Variants in CUX2 observed in about 807,000 individuals in gnomAD.
CUX2 encodes cut like homeobox 2, also known as homeobox protein cut-like 2.
A neutral mutation model predicts 144.8 loss-of-function variants in CUX2; 40 were observed. The ratio of observed to expected loss-of-function variants is 0.28; its 90% CI spans 0.21 to 0.36. The LOEUF (loss-of-function observed/expected upper bound fraction) is 0.36. Among genes scored for constraint, CUX2 ranks in the 10% least tolerant of loss-of-function variants. The probability of loss-of-function intolerance (pLI) is 1.00; values close to 1 mark genes in which losing one functional copy is unlikely to be tolerated. For missense variants in CUX2, 1,615 were observed against 1,994.0 expected (o/e 0.81, Z 3.62); for synonymous variants, 827 against 875.6 (o/e 0.94, Z 0.98).
intron 9 of CUX2, among the ~76,000 whole-genome samples, chr12:111,299,852 A>G (rs1886197256): frequency 6.6e-6 from 1 of 152,130 alleles, no homozygotes; most frequent in African/African-American, 2.4e-5. Flanking sequence ...GAGATGGTCA[A>G]TCCATTCACA....
rs553798278 is a variant in CUX2 at position 111,287,121 on chromosome 12, C to T, written c.302-4297C>T. 1.3e-5 allele frequency among the ~76,000 whole-genome samples: 2 copies of T among 152,384 alleles called. No homozygotes were observed. The highest frequency in any genetic ancestry group is 2.9e-5 in the Non-Finnish European group (2 of 68,046). ...CTCTGGGGAGCCACCTGAGGCCAGC[C>T]TCCCCAAGACAGAGCACACAGCCAG... On this transcript the variant is annotated intron_variant, in intron 4 of 21. Coordinates refer to ENST00000261726, the MANE Select transcript of CUX2 (RefSeq NM_015267.4). This position sits in a 1 kb window ranked among gnomAD's most constrained non-coding sequence, Gnocchi z 4.2.
At chr12:111,083,860 G>A (rs746449698) in intron 1 of CUX2, among the ~76,000 whole-genome samples, 34 of 152,184 alleles carry the variant, frequency 2.2e-4, no homozygotes, top group African/African-American at 4.8e-4. Context: ...AGGGCAGCCC[G>A]CCTTTGGCCC....
Position 111,320,715 on chromosome 12 carries a change from C to A in CUX2, c.2706C>A (p.Thr902=). The change falls in exon 17 of 22, where the codon ACC becomes ACA. Residue 902 remains threonine, a synonymous_variant. Transcript: ENST00000261726. The surrounding 1 kb of genome is among the most constrained non-coding windows in gnomAD (Gnocchi z 8.1). ...GTGAGGTAGACACGCTGGAGCTCAC[C>A]CGCCAGGTCAAGGAGAAGCTGGCCA... ...MYREVDTLEL[T]RQVKEKLAKN... The A allele has an allele frequency of 6.3e-7, 1 of 1,589,878 alleles. No individual in the cohort carries two copies. Among genetic ancestry groups the A allele is most frequent in the East Asian group, 2.3e-5 (1 of 43,906 alleles).
intron 3 of CUX2, among the ~76,000 whole-genome samples, chr12:111,253,469 C>A (rs922980587): frequency 6.6e-6 from 1 of 152,164 alleles, no homozygotes; most frequent in African/African-American, 2.4e-5. Flanking sequence ...CCCCACGACG[C>A]CTTCCCCTCC....
At chr12:111,260,914 T>C (rs1442033091) in intron 3 of CUX2, among the ~76,000 whole-genome samples, 1 of 152,254 alleles carries the variant, frequency 6.6e-6, no homozygotes, top group Non-Finnish European at 1.5e-5. Context: ...TTCTTCTGGC[T>C]GGTCTTTGAT....
At position 111,307,392 on chromosome 12, in the gene CUX2, C is replaced by T; in HGVS notation, c.1109+135C>T. On this transcript the variant is annotated intron_variant, in intron 12 of 21. Transcript: ENST00000261726. The surrounding 1 kb of genome is among the most constrained non-coding windows in gnomAD (Gnocchi z 4.1). ...CTCCACTAACACTGTGGATATCAAA[C>T]CTTAACCATCCTCAGGCCAGGTGCA... 1 of 775,066 alleles carries T rather than the reference C, an allele frequency of 1.3e-6. No individual in the cohort carries two copies. The highest frequency in any genetic ancestry group is 1.8e-5 in the South Asian group (1 of 56,470). 48.0% of individuals were successfully genotyped at this position (775,066 alleles called of 1,614,324 possible).
rs188717063 is a variant in CUX2, at chr12:111,190,181, C to G, written c.64-24019C>G. On this transcript the variant is annotated intron_variant, in intron 1 of 21. Coordinates refer to ENST00000261726, the MANE Select transcript of CUX2 (RefSeq NM_015267.4). This position sits in a 1 kb window ranked among gnomAD's most constrained non-coding sequence, Gnocchi z 4.0. The stretch of plus-strand genomic sequence containing the variant: ...CATTTTTCTATTTGATCATCTCTTC[C>G]TTACTGAATTTTTAGGAGTGCTTGA... Among the ~76,000 whole-genome samples the G allele has an allele frequency of 2.0e-4, 30 of 152,214 alleles. No homozygotes were observed. Among genetic ancestry groups the G allele is most frequent in the Admixed American group, 1.9e-3 (29 of 15,290 alleles).
At chr12:111,288,995 C>T (rs1885540374) in intron 4 of CUX2, among the ~76,000 whole-genome samples, 1 of 151,936 alleles carries the variant, frequency 6.6e-6, no homozygotes, top group Non-Finnish European at 1.5e-5. Flanking sequence ...TGGTCGCACA[C>T]ACCTGGAATC....
rs189562401 is a variant in CUX2, at chr12:111,139,814, A to G, written c.64-74386A>G. On this transcript the variant is annotated intron_variant, in intron 1 of 21. Coordinates refer to ENST00000261726, the MANE Select transcript of CUX2 (RefSeq NM_015267.4). ...CTCCCAAGAACTGCCTACTGTGTCA[A>G]AGGTGGTGGACCCACCTTCACTCTG... Among the ~76,000 whole-genome samples, 3 of 152,310 alleles carry G rather than the reference A, an allele frequency of 2.0e-5. No homozygotes were observed. In the East Asian group the frequency reaches 5.8e-4, roughly 29 times the overall value.
chr12:111,345,944 T>C (rs1888784927), intron 21 of CUX2, among the ~76,000 whole-genome samples: 1 of 142,638 alleles, frequency 7.0e-6, no homozygotes, highest in Non-Finnish European at 1.5e-5. Flanking sequence ...ACCCCGTCTC[T>C]ACTAAAAATG....
chr12:111,080,099 C>T (rs945046559), intron 1 of CUX2, among the ~76,000 whole-genome samples: 4 of 152,130 alleles, frequency 2.6e-5, no homozygotes, highest in African/African-American at 4.8e-5. Flanking sequence ...GTTTCTTGAA[C>T]GGACTGAGCA....
chr12:111,130,045 C>T (rs1417899621), intron 1 of CUX2, among the ~76,000 whole-genome samples: 2 of 152,172 alleles, frequency 1.3e-5, no homozygotes, highest in African/African-American at 4.8e-5. Context: ...CCAGTAGTGA[C>T]TGAATGTTCT....
At chr12:111,071,112 T>C (rs557707044) in intron 1 of CUX2, among the ~76,000 whole-genome samples, 2 of 150,716 alleles carry the variant, frequency 1.3e-5, no homozygotes, top group Non-Finnish European at 3.0e-5. Flanking sequence ...TGGACATAAG[T>C]TTTCACCTCC....
rs753023731 is a variant in CUX2, at chr12:111,347,535, G to A, written c.3671G>A (p.Arg1224His). Residue 1224 changes from arginine to histidine, a missense_variant, in exon 22 of 22, where the codon CGC becomes CAC. Around this residue, in one of 12 missense-constraint regions of CUX2, gnomAD observed 131 missense variants for 223.1 expected, o/e 0.59. Coordinates refer to ENST00000261726, the MANE Select transcript of CUX2 (RefSeq NM_015267.4). The part of the protein sequence containing the change: ...NWFHNYRSRM[R>H]REMLVEGTQD... Reference sequence around the variant, plus strand: ...CGTCTCTGCCCCAGGTCCCGGATGCGCCGGGAGATGTTGGTGGAGGGGACC... The same window carrying A: ...CGTCTCTGCCCCAGGTCCCGGATGCACCGGGAGATGTTGGTGGAGGGGACC... The A allele has an allele frequency of 2.4e-5, 39 of 1,597,272 alleles. No individual in the cohort carries two copies. The highest frequency in any genetic ancestry group is 5.6e-5 in the South Asian group (5 of 88,744).
chr12:111,121,400 G>A (rs138608355), intron 1 of CUX2, among the ~76,000 whole-genome samples: 1,595 of 114,792 alleles, frequency 0.014, 24 homozygotes, highest in South Asian at 0.036. Context: ...TTTTTGAGAC[G>A]GATTCTTGCT....
chr12:111,100,337 G>T (rs556421333), intron 1 of CUX2, among the ~76,000 whole-genome samples: 53 of 152,214 alleles, frequency 3.5e-4, no homozygotes, highest in African/African-American at 1.3e-3. Flanking sequence ...TGGTGGCCGC[G>T]AGAGCCGTCC....
intron 1 of CUX2, among the ~76,000 whole-genome samples, chr12:111,131,495 T>A (rs1875477550): frequency 6.6e-6 from 1 of 152,052 alleles, no homozygotes; most frequent in Non-Finnish European, 1.5e-5. Context: ...AAGTCTTAAC[T>A]CATTAGAGAA....
At chr12:111,137,365 TTGTTGATGTTGTC>T (rs1432716527) in intron 1 of CUX2, among the ~76,000 whole-genome samples, 1 of 136,918 alleles carries the variant, frequency 7.3e-6, no homozygotes, top group African/African-American at 3.7e-5. Context: ...TTGTTGTTGT[TTGTTGATGTTGTC>T]GTTGTTGTTG....
chr12:111,240,179 G>A (rs190102651), intron 3 of CUX2, among the ~76,000 whole-genome samples: 11 of 152,238 alleles, frequency 7.2e-5, no homozygotes, highest in Non-Finnish European at 1.5e-4. Context: ...GTGGAGCTGG[G>A]ATTTGAGCCC....
Sources: allele counts gnomAD v4.1 joint callset (sites outside exome capture counted in the v4.1 genomes callset), GRCh38; gene constraint gnomAD v4.1.1; regional missense constraint gnomAD v4.1.1; non-coding constraint Gnocchi (gnomAD v3.1); transcripts MANE v1.5; gene names NCBI Gene and HGNC (gene_info 2026-07-23, HGNC 2026-07-21).